ZBTB20: variants seen among roughly 807,000 people sequenced by gnomAD.
ZBTB20 encodes zinc finger and BTB domain containing 20.
ZBTB20 carries 9 observed loss-of-function variants against 56.9 expected under a neutral mutation model. That is an observed-to-expected ratio of 0.16 (90% CI 0.10 to 0.28). The LOEUF is 0.28. Among genes scored for constraint, ZBTB20 ranks in the 10% least tolerant of loss-of-function variants. The pLI, the probability that ZBTB20 is intolerant of heterozygous loss-of-function variation, is 1.00. For missense variants in ZBTB20, 655 were observed against 1,003.0 expected (o/e 0.65, Z 4.69); for synonymous variants, 417 against 420.7 (o/e 0.99, Z 0.11).
intron 4 of ZBTB20, among the ~76,000 whole-genome samples, chr3:114,893,550 A>G (rs1213466869): frequency 1.3e-5 from 2 of 152,216 alleles, no homozygotes; most frequent in Non-Finnish European, 2.9e-5. Flanking sequence ...GAATAACAAT[A>G]AGCCTGTGGC....
intron 1 of ZBTB20, among the ~76,000 whole-genome samples, chr3:115,094,213 G>T (rs549339578): frequency 6.6e-6 from 1 of 152,052 alleles, no homozygotes; most frequent in Non-Finnish European, 1.5e-5. Flanking sequence ...TAAAGCTAAG[G>T]TAATAGGTAC....
At chr3:114,793,887 G>A (rs2071160687) in intron 5 of ZBTB20, among the ~76,000 whole-genome samples, 1 of 152,174 alleles carries the variant, frequency 6.6e-6, no homozygotes, top group South Asian at 2.1e-4. Flanking sequence ...AGAATTAAAT[G>A]TGAAGAGTTT....
intron 1 of ZBTB20, among the ~76,000 whole-genome samples, chr3:115,085,142 A>G (rs1159746806): frequency 1.3e-5 from 2 of 152,024 alleles, no homozygotes; most frequent in Admixed American, 6.6e-5. Flanking sequence ...CCTTACAAAT[A>G]TATCCAAAGA....
chr3:114,413,496 G>T (rs947960671), intron 7 of ZBTB20, among the ~76,000 whole-genome samples: 1 of 152,156 alleles, frequency 6.6e-6, no homozygotes, highest in African/African-American at 2.4e-5. Flanking sequence ...AATTCTTTAA[G>T]TTAGCAACAA....
intron 6 of ZBTB20, among the ~76,000 whole-genome samples, chr3:114,543,466 T>C (rs1577414256): frequency 1.3e-5 from 2 of 152,322 alleles, no homozygotes; most frequent in East Asian, 3.9e-4. Context: ...CTTAGAGTTA[T>C]CAGGACTATA....
At chr3:114,412,378 A>G (rs1042026071) in intron 7 of ZBTB20, among the ~76,000 whole-genome samples, 5 of 152,176 alleles carry the variant, frequency 3.3e-5, no homozygotes, top group African/African-American at 1.2e-4. Context: ...TGAGCCAAGC[A>G]GTGTGCCAAA....
intron 5 of ZBTB20, among the ~76,000 whole-genome samples, chr3:114,714,648 C>T (rs76579951): frequency 6.6e-6 from 1 of 152,222 alleles, no homozygotes; most frequent in African/African-American, 2.4e-5. Flanking sequence ...CTATTAACTA[C>T]CAATGTTTTC....
At chr3:115,031,454 A>G (rs1381147285) in intron 2 of ZBTB20, among the ~76,000 whole-genome samples, 1 of 151,506 alleles carries the variant, frequency 6.6e-6, no homozygotes, top group Non-Finnish European at 1.5e-5. Context: ...AATTCTATTT[A>G]CTGCTAATGT....
chr3:115,046,771 A>G (rs1364757324), intron 2 of ZBTB20, among the ~76,000 whole-genome samples: 2 of 152,210 alleles, frequency 1.3e-5, no homozygotes, highest in African/African-American at 2.4e-5. Context: ...CTGGTTCTCC[A>G]TACCGTCACA....
chr3:114,929,317 G>A (rs914841137), intron 3 of ZBTB20, among the ~76,000 whole-genome samples: 1 of 152,220 alleles, frequency 6.6e-6, no homozygotes, highest in African/African-American at 2.4e-5. Context: ...TCGGTTGAAG[G>A]TCAATATGTT....
At chr3:114,394,029 C>T (rs1378537400) in intron 7 of ZBTB20, among the ~76,000 whole-genome samples, 1 of 152,132 alleles carries the variant, frequency 6.6e-6, no homozygotes, top group South Asian at 2.1e-4. Flanking sequence ...GGAAATCACA[C>T]CACATCGTTC....
chr3:115,007,441 CTT>C (rs1381515750), intron 2 of ZBTB20, among the ~76,000 whole-genome samples: 2 of 151,790 alleles, frequency 1.3e-5, no homozygotes, highest in African/African-American at 4.8e-5. Flanking sequence ...TTCTTCAGGA[CTT>C]TACTCATAAT....
chr3:114,817,224 CACACACAT>C (rs1473592981), intron 4 of ZBTB20, among the ~76,000 whole-genome samples: 2 of 151,244 alleles, frequency 1.3e-5, no homozygotes, highest in East Asian at 2.0e-4. Flanking sequence ...CACACACACA[CACACACAT>C]AATAAATTGG....
intron 5 of ZBTB20, among the ~76,000 whole-genome samples, chr3:114,736,097 T>A (rs758707819): frequency 6.6e-6 from 1 of 152,192 alleles, no homozygotes; most frequent in Admixed American, 6.6e-5. Flanking sequence ...AGGTAAAGGA[T>A]ACACCGGAGT....
chr3:114,815,138 A>G (rs536204533), intron 4 of ZBTB20, among the ~76,000 whole-genome samples: 1 of 152,354 alleles, frequency 6.6e-6, no homozygotes, highest in South Asian at 2.1e-4. Flanking sequence ...AATGTTAACA[A>G]GTTCGGAGAC....
chr3:114,983,833 T>C (rs2078428087), intron 2 of ZBTB20, among the ~76,000 whole-genome samples: 1 of 152,102 alleles, frequency 6.6e-6, no homozygotes, highest in Non-Finnish European at 1.5e-5. Flanking sequence ...ACGTTTGTTA[T>C]AGACCTCTTG....
At chr3:114,586,989 CTTTTTTTT>C (rs1195918426) in intron 6 of ZBTB20, among the ~76,000 whole-genome samples, 14 of 76,980 alleles carry the variant, frequency 1.8e-4, no homozygotes, top group East Asian at 5.0e-4. Context: ...GTATAACTCC[CTTTTTTTT>C]TTTTTTTTTT....
intron 4 of ZBTB20, among the ~76,000 whole-genome samples, chr3:114,877,376 T>A (rs1576198653): frequency 2.0e-5 from 3 of 151,958 alleles, no homozygotes; most frequent in African/African-American, 7.3e-5. Flanking sequence ...GAGGCTGGAG[T>A]GGAGTAGTGT....
chr3:114,619,458 G>T (rs2058167135), intron 6 of ZBTB20, among the ~76,000 whole-genome samples: 1 of 151,974 alleles, frequency 6.6e-6, no homozygotes, highest in South Asian at 2.1e-4. Context: ...TTGAAAATGG[G>T]TAAGATTAAA....
Sources: gnomAD v4.1 joint callset for allele counts (sites outside exome capture counted in the v4.1 genomes callset) on GRCh38, gnomAD v4.1.1 for gene constraint, MANE v1.5 for transcripts, NCBI Gene and HGNC (gene_info 2026-07-23, HGNC 2026-07-21) for gene names.